CLSTN2: variants seen among roughly 807,000 people sequenced by gnomAD.
CLSTN2 encodes calsyntenin-2.
A neutral mutation model predicts 101.2 loss-of-function variants in CLSTN2; 48 were observed. The observed-to-expected ratio is 0.47, with a 90% CI of 0.38 to 0.60. The LOEUF (loss-of-function observed/expected upper bound fraction) is 0.60. CLSTN2 is among the 20% of genes least tolerant of loss of function. The pLI is 0.00. For missense variants in CLSTN2, 1,160 were observed against 1,238.2 expected (o/e 0.94, Z 0.95); for synonymous variants, 481 against 463.6 (o/e 1.04, Z -0.48).
intron 2 of CLSTN2, among the ~76,000 whole-genome samples, chr3:140,272,632 A>C (rs1305772949): frequency 6.6e-6 from 1 of 152,168 alleles, no homozygotes; most frequent in Non-Finnish European, 1.5e-5. Flanking sequence ...CACACCTGTT[A>C]TCCCAGCTAT....
chr3:140,363,962 T>G (rs1044206148), intron 2 of CLSTN2, among the ~76,000 whole-genome samples: 2 of 152,138 alleles, frequency 1.3e-5, no homozygotes, highest in South Asian at 4.2e-4. Flanking sequence ...CAAGAGGTGA[T>G]AAGTTACAGG....
chr3:140,274,378 G>A (rs548700653), intron 2 of CLSTN2, among the ~76,000 whole-genome samples: 4 of 152,302 alleles, frequency 2.6e-5, no homozygotes, highest in African/African-American at 9.6e-5. Flanking sequence ...CCCAAAATCT[G>A]ATGGAAGCCA....
chr3:140,170,293 ATTAAG>A (rs1473451136), intron 1 of CLSTN2, among the ~76,000 whole-genome samples: 1 of 152,194 alleles, frequency 6.6e-6, no homozygotes, highest in Non-Finnish European at 1.5e-5. Flanking sequence ...ATTAACATAA[ATTAAG>A]TTATTGGTTT....
intron 10 of CLSTN2, among the ~76,000 whole-genome samples, chr3:140,551,028 A>G (rs1393431339): frequency 2.6e-5 from 4 of 152,020 alleles, no homozygotes; most frequent in Non-Finnish European, 5.9e-5. Context: ...CAACAAATTA[A>G]ATACTATGAC....
At chr3:140,261,078 A>C (rs1186658246) in intron 2 of CLSTN2, among the ~76,000 whole-genome samples, 1 of 152,162 alleles carries the variant, frequency 6.6e-6, no homozygotes, top group Non-Finnish European at 1.5e-5. Context: ...TCTCCTCGCT[A>C]TAAAGTTACT....
At chr3:140,388,474 C>T (rs778682504) in intron 2 of CLSTN2, among the ~76,000 whole-genome samples, 2 of 152,118 alleles carry the variant, frequency 1.3e-5, no homozygotes, top group African/African-American at 2.4e-5. Context: ...TAGAGGGTAA[C>T]GTGTAAAGAA....
At chr3:140,252,666 CAT>C (rs1284142417) in intron 2 of CLSTN2, among the ~76,000 whole-genome samples, 1 of 152,152 alleles carries the variant, frequency 6.6e-6, no homozygotes, top group Non-Finnish European at 1.5e-5. Flanking sequence ...CATTTGGACA[CAT>C]GTGAAAGTTG....
chr3:140,446,454 GCTCAGAGCTAAA>G (rs1933080802), intron 5 of CLSTN2, among the ~76,000 whole-genome samples: 1 of 152,096 alleles, frequency 6.6e-6, no homozygotes, highest in Non-Finnish European at 1.5e-5. Context: ...GACCATGGGG[GCTCAGAGCTAAA>G]CTCAGATTGC....
rs1935849921 is a variant in CLSTN2, at chr3:140,558,687, A to G, written c.1871A>G (p.Tyr624Cys). 6.2e-7 allele frequency: 1 copy of G among 1,613,976 alleles called. No homozygotes were observed. The highest frequency in any genetic ancestry group is 8.5e-7 in the Non-Finnish European group (1 of 1,179,976). ...VCISIPEVDA[Y>C]VMVLQAIEPR... is the part of the protein sequence containing the mutation. ...ATCAGTATCCCTGAGGTAGATGCCT[A>G]TGTGATGGTCCTCCAGGCCATCGAG... The change falls in exon 12 of 17, where the codon TAT becomes TGT. Residue 624 changes from tyrosine (Y) to cysteine (C), a missense_variant. Coordinates refer to ENST00000458420, the MANE Select transcript of CLSTN2 (RefSeq NM_022131.3).
In CLSTN2 at chr3:140,573,093, G is replaced by C. The variant is rs1370962136; in HGVS notation, c.*6840G>C. ...CTGCCAGGTTTCTGTAAGCTGAGCA[G>C]CCTCTTCGAGGGCCATATTTTGTGG... On this transcript the variant is annotated 3_prime_UTR_variant, in exon 17 of 17. Transcript: ENST00000458420. 2 of 152,268 alleles carry C rather than the reference G, an allele frequency of 1.3e-5. No individual in the cohort carries two copies. Among genetic ancestry groups the C allele is most frequent in the Non-Finnish European group, 1.5e-5 (1 of 68,098 alleles). The allele number at this position is 152,268 out of a possible 1,614,324, so 9.4% of individuals were successfully genotyped here. A position where few individuals can be genotyped will look rare whatever the true frequency, so the allele number is the denominator to read the frequency against.
chr3:140,218,582 T>TA (rs551732066), intron 2 of CLSTN2, among the ~76,000 whole-genome samples: 27 of 152,054 alleles, frequency 1.8e-4, no homozygotes, highest in Admixed American at 5.9e-4. Flanking sequence ...GTAGATACAT[T>TA]AAAAAAAACC....
chr3:140,506,112 C>T (rs920367445), intron 8 of CLSTN2: 1 of 152,172 alleles, frequency 6.6e-6, no homozygotes, highest in African/African-American at 2.4e-5. Flanking sequence ...CCCACAAATG[C>T]CGGAATCCGT....
Position 140,566,145 on chromosome 3 carries a change from C to G in CLSTN2, c.2760C>G (p.Asp920Glu), listed in dbSNP as rs143253336. The G allele has an allele frequency of 6.2e-7, 1 of 1,611,746 alleles. No individual in the cohort carries two copies. Residue 920 changes from aspartate to glutamate, a missense_variant, in exon 17 of 17, where the codon GAC (aspartate) becomes GAG (glutamate). Coordinates refer to ENST00000458420, the MANE Select transcript of CLSTN2 (RefSeq NM_022131.3). ...EEEMSSSSGS[D>E]DSEEEEEEEG... Reference sequence around the variant, plus strand: ...AAATGAGCTCCAGCAGTGGCTCTGACGACAGCGAAGAGGAGGAGGAGGAGG... The same window carrying G: ...AAATGAGCTCCAGCAGTGGCTCTGAGGACAGCGAAGAGGAGGAGGAGGAGG...
chr3:140,327,319 G>A (rs1387799734), intron 2 of CLSTN2, among the ~76,000 whole-genome samples: 3 of 152,210 alleles, frequency 2.0e-5, no homozygotes, highest in Admixed American at 1.3e-4. Flanking sequence ...CTGTACTCCA[G>A]AAGGACAATA....
chr3:140,546,077 C>T (rs1935577822), intron 9 of CLSTN2, among the ~76,000 whole-genome samples: 1 of 152,172 alleles, frequency 6.6e-6, no homozygotes, highest in Non-Finnish European at 1.5e-5. Flanking sequence ...CCTGGGGCAA[C>T]TACCTTAATG....
chr3:140,067,886 AG>A (rs1560085030), intron 1 of CLSTN2, among the ~76,000 whole-genome samples: 1 of 152,166 alleles, frequency 6.6e-6, no homozygotes, highest in Non-Finnish European at 1.5e-5. Context: ...AATGTGCATT[AG>A]GTTACTGTCT....
intron 1 of CLSTN2, among the ~76,000 whole-genome samples, chr3:139,977,256 C>T (rs1235322742): frequency 6.6e-6 from 1 of 152,074 alleles, no homozygotes; most frequent in Non-Finnish European, 1.5e-5. Context: ...GGCAAGCAGG[C>T]TGCAGGTTCG....
chr3:139,946,256 C>T (rs936897121), intron 1 of CLSTN2, among the ~76,000 whole-genome samples: 2 of 152,176 alleles, frequency 1.3e-5, no homozygotes, highest in African/African-American at 4.8e-5. Flanking sequence ...TGCCAAGAAA[C>T]CCTTAACATG....
intron 2 of CLSTN2, among the ~76,000 whole-genome samples, chr3:140,253,177 A>G (rs1318167093): frequency 6.6e-6 from 1 of 152,160 alleles, no homozygotes; most frequent in African/African-American, 2.4e-5. Flanking sequence ...TAGGAGACAG[A>G]TTCTAGGTTA....
Sources: gnomAD v4.1 joint callset for allele counts (sites outside exome capture counted in the v4.1 genomes callset) on GRCh38, gnomAD v4.1.1 for gene constraint, MANE v1.5 for transcripts, NCBI Gene and HGNC (gene_info 2026-07-23, HGNC 2026-07-21) for gene names.